Variants in DAPK1 observed in about 807,000 individuals in gnomAD.
DAPK1 encodes death associated protein kinase 1.
In DAPK1, 56 loss-of-function variants were observed where a neutral mutation model predicts 144.9. The ratio of observed to expected loss-of-function variants is 0.39; its 90% CI spans 0.31 to 0.48. DAPK1 has a LOEUF of 0.48. Ranked by LOEUF, DAPK1 falls within the 20% of genes least tolerant of loss-of-function variation. DAPK1 has a pLI of 0.95. For synonymous variants in DAPK1, 690 were observed against 749.0 expected, an observed-to-expected ratio of 0.92 and a Z score of 1.29; for missense variants, 1,454 against 1,875.4, an observed-to-expected ratio of 0.78 and a Z score of 4.15.
intron 3 of DAPK1, among the ~76,000 whole-genome samples, chr9:87,614,252 C>A (rs898273896): frequency 3.9e-5 from 6 of 152,184 alleles, no homozygotes; most frequent in African/African-American, 7.2e-5. Context: ...AGGAGTCTTA[C>A]AAACAAACCC....
intron 2 of DAPK1, among the ~76,000 whole-genome samples, chr9:87,533,117 T>C (rs750770446): frequency 6.6e-6 from 1 of 152,196 alleles, no homozygotes; most frequent in Non-Finnish European, 1.5e-5. Context: ...TATGTGTGCC[T>C]GTGTATGCAC....
At position 87,697,201 on chromosome 9, in the gene DAPK1, A is replaced by G. The variant is rs767823620; in HGVS notation, c.2608A>G (p.Ile870Val). The G allele has an allele frequency of 4.1e-6, 6 of 1,477,500 alleles. No homozygotes were observed. The highest frequency in any genetic ancestry group is 3.4e-4 in the Middle Eastern group (2 of 5,848). The allele number at this position is 1,477,500 out of a possible 1,614,324, so 91.5% of individuals were successfully genotyped here. Residue 870 changes from isoleucine to valine, a missense_variant, in exon 22 of 26, where the codon ATA becomes GTA. Physicochemically the swap from Ile to Val is conservative, Grantham distance 29. This residue lies in a region of DAPK1 where 1,025 missense variants were observed against 1,237.9 expected (regional missense o/e 0.83). Coordinates refer to ENST00000408954, the MANE Select transcript of DAPK1 (RefSeq NM_004938.4). ...LKSLVPVEEP[I>V]AFGGKLKNPL... ...GTCCCTTGTCCCAGTTGAAGAACCCATAGGTGAGCTAAGTCCCTGCAGGCC... is the reference window on the plus strand; with the variant it reads ...GTCCCTTGTCCCAGTTGAAGAACCCGTAGGTGAGCTAAGTCCCTGCAGGCC...
At chr9:87,648,671 C>G in intron 14 of DAPK1, 110 bp from the exon 15 acceptor site, 1 of 987,012 alleles carries the variant, frequency 1.0e-6, no homozygotes, top group Admixed American at 1.9e-5. Context: ...TGGGTGGAAC[C>G]AAAGGGGACA....
At chr9:87,562,538 AC>A (rs1199882095) in intron 2 of DAPK1, among the ~76,000 whole-genome samples, 2 of 152,170 alleles carry the variant, frequency 1.3e-5, no homozygotes, top group Non-Finnish European at 2.9e-5. Context: ...AAAGGAGAGG[AC>A]CCTGAAATAT....
intron 18 of DAPK1, among the ~76,000 whole-genome samples, chr9:87,666,605 C>T (rs1399180793): frequency 6.6e-6 from 1 of 151,666 alleles, no homozygotes; most frequent in Admixed American, 6.6e-5. Context: ...TCCTGAGTAT[C>T]TGGAATTACA....
intron 3 of DAPK1, among the ~76,000 whole-genome samples, chr9:87,622,676 C>T (rs565538481): frequency 1.3e-5 from 2 of 152,148 alleles, no homozygotes; most frequent in South Asian, 4.1e-4. Flanking sequence ...TTTGGGAGGC[C>T]GAGGCAGGTG....
At chr9:87,632,933 G>T (rs933336143) in intron 3 of DAPK1, 10 of 904,578 alleles carry the variant, frequency 1.1e-5, no homozygotes, top group African/African-American at 2.1e-5. Flanking sequence ...AATGAAGGGT[G>T]ATCAGTATAT....
In DAPK1 at chr9:87,707,235, C is replaced by T. The variant is rs747472606; in HGVS notation, c.4164C>T (p.Ala1388=). 42 of 1,614,036 alleles carry T rather than the reference C, an allele frequency of 2.6e-5. No homozygotes were observed. Among genetic ancestry groups the T allele is most frequent in the Middle Eastern group, 1.6e-4 (1 of 6,084 alleles). ...TGAGGGAGCTGGGTCGCCGGGATGC[C>T]GCAGACTTTTTGCTGAAGGCATCCT... ...SKLRELGRRD[A]ADFLLKASSV... The change falls in exon 26 of 26, where the codon GCC becomes GCT. Residue 1388 remains alanine, a synonymous_variant. Transcript: ENST00000408954. The surrounding 1 kb of genome is among the most constrained non-coding windows in gnomAD (Gnocchi z 4.0).
chr9:87,556,265 G>T (rs1826710049), intron 2 of DAPK1, among the ~76,000 whole-genome samples: 1 of 152,212 alleles, frequency 6.6e-6, no homozygotes, highest in South Asian at 2.1e-4. Flanking sequence ...CAACAGCGCT[G>T]TGAGGTTGGT....
chr9:87,607,582 A>G (rs752509346), intron 3 of DAPK1, among the ~76,000 whole-genome samples: 1 of 151,612 alleles, frequency 6.6e-6, no homozygotes, highest in Non-Finnish European at 1.5e-5. Context: ...GCATACAATT[A>G]TTTTTTTTTA....
chr9:87,580,794 C>T (rs1274039852), intron 2 of DAPK1, among the ~76,000 whole-genome samples: 2 of 152,196 alleles, frequency 1.3e-5, no homozygotes, highest in African/African-American at 4.8e-5. Context: ...GAGTCTCCCA[C>T]ATAGGACCGA....
At chr9:87,543,735 G>A (rs1045936580) in intron 2 of DAPK1, among the ~76,000 whole-genome samples, 7 of 152,170 alleles carry the variant, frequency 4.6e-5, no homozygotes, top group African/African-American at 1.2e-4. Flanking sequence ...CTATGTTTGA[G>A]TGATCTCTTA....
intron 3 of DAPK1, among the ~76,000 whole-genome samples, chr9:87,616,457 C>T (rs1163158046): frequency 1.3e-5 from 2 of 152,140 alleles, no homozygotes; most frequent in African/African-American, 4.8e-5. Flanking sequence ...GGGAGAAGGA[C>T]AGTTTTGGGG....
At chr9:87,571,870 G>A (rs1047141397) in intron 2 of DAPK1, among the ~76,000 whole-genome samples, 13 of 152,230 alleles carry the variant, frequency 8.5e-5, no homozygotes, top group South Asian at 2.1e-4. Flanking sequence ...CTTCTGAGGG[G>A]CTAAGTGGTT....
chr9:87,526,985 C>A (rs933135375), intron 2 of DAPK1, among the ~76,000 whole-genome samples: 5 of 152,108 alleles, frequency 3.3e-5, no homozygotes, highest in African/African-American at 1.2e-4. Context: ...GCAGTGGGGG[C>A]CAAGAAGGAA....
At chr9:87,694,448 G>A (rs564788522) in intron 21 of DAPK1, among the ~76,000 whole-genome samples, 2 of 152,344 alleles carry the variant, frequency 1.3e-5, no homozygotes, top group Non-Finnish European at 2.9e-5. Flanking sequence ...GGTGGTGCAT[G>A]TGATCCCCAG....
chr9:87,522,125 TTGCCCATTC>T (rs1256599957), intron 2 of DAPK1, among the ~76,000 whole-genome samples: 11 of 152,200 alleles, frequency 7.2e-5, no homozygotes, highest in Non-Finnish European at 1.6e-4. Context: ...TATTTATAAA[TTGCCCATTC>T]TGCAACAGAA....
intron 2 of DAPK1, among the ~76,000 whole-genome samples, chr9:87,527,532 C>T (rs1302069894): frequency 6.6e-6 from 1 of 152,186 alleles, no homozygotes; most frequent in African/African-American, 2.4e-5. Context: ...AGAGCTTGCT[C>T]CTGCTGAGGT....
At chr9:87,633,136 CATGTAGGGATGAAGGAGGATGAGTATAT>C (rs1306515083) in intron 3 of DAPK1, 1 of 974,934 alleles carries the variant, frequency 1.0e-6, no homozygotes, top group Non-Finnish European at 1.2e-6. Context: ...GATGAGTGTA[CATGTAGGGATGAAGGAGGATGAGTATAT>C]ATGTAGGGAT....
Sources: gnomAD v4.1 joint callset for allele counts (sites outside exome capture counted in the v4.1 genomes callset) on GRCh38, gnomAD v4.1.1 for gene constraint, gnomAD v4.1.1 regional missense constraint, Gnocchi (gnomAD v3.1) non-coding constraint, MANE v1.5 for transcripts, NCBI Gene and HGNC (gene_info 2026-07-23, HGNC 2026-07-21) for gene names.